Variants in TMEM108 observed in about 807,000 individuals in gnomAD.
TMEM108 encodes the protein cancer/testis antigen 124.
A neutral mutation model predicts 35.1 loss-of-function variants in TMEM108; 12 were observed. The observed-to-expected ratio is 0.34, with a 90% CI of 0.22 to 0.55. The LOEUF is 0.55. Ranked by LOEUF, TMEM108 falls within the 20% of genes least tolerant of loss-of-function variation. TMEM108 has a pLI of 0.89. For missense variants in TMEM108, 680 were observed against 753.3 expected (o/e 0.90, Z 1.14); for synonymous variants, 287 against 308.6 (o/e 0.93, Z 0.73).
chr3:133,250,645 C>T (rs1055800582), intron 3 of TMEM108, among the ~76,000 whole-genome samples: 5 of 152,150 alleles, frequency 3.3e-5, no homozygotes, highest in African/African-American at 7.2e-5. Flanking sequence ...CAGTTAGCAG[C>T]AATAGCCTCA....
rs578127155 is a variant in TMEM108 at position 133,152,754 on chromosome 3, T to TA, written c.-46-76508dup. Among the ~76,000 whole-genome samples the TA allele has an allele frequency of 9.2e-5, 14 of 152,268 alleles. No homozygotes were observed. In the South Asian group the frequency reaches 2.7e-3, roughly 29 times the overall value. On this transcript the variant is annotated intron_variant, in intron 2 of 5. Coordinates refer to ENST00000321871, the MANE Select transcript of TMEM108 (RefSeq NM_023943.4). ...CTGAAATGCCCTTATCTAAGCCTTTTAAAAGAGAACCAATTTAAATTTTTT... is the reference window on the plus strand; with the variant it reads ...CTGAAATGCCCTTATCTAAGCCTTTTAAAAAGAGAACCAATTTAAATTTTTT...
Position 133,181,008 on chromosome 3 carries a change from T to TAAAAAAAAAAAAAAAAAAAAAAAAAA in TMEM108, c.-46-48253_-46-48228dup, listed in dbSNP as rs369228472. Reference sequence around the variant, plus strand: ...TGTACTGGCTATTGGGCAGTTGTGTTAAAAAAAAAAAAAAAAAAAAAAAAA... The same window carrying TAAAAAAAAAAAAAAAAAAAAAAAAAA: ...TGTACTGGCTATTGGGCAGTTGTGTTAAAAAAAAAAAAAAAAAAAAAAAAAAAAAAAAAAAAAAAAAAAAAAAAAAA... On this transcript the variant is annotated intron_variant, in intron 2 of 5. Transcript: ENST00000321871. Among the ~76,000 whole-genome samples the TAAAAAAAAAAAAAAAAAAAAAAAAAA allele has an allele frequency of 1.2e-4, 9 of 75,854 alleles. 1 individual carries two copies. Among genetic ancestry groups the TAAAAAAAAAAAAAAAAAAAAAAAAAA allele is most frequent in the South Asian group, 5.8e-4 (1 of 1,734 alleles). 49.8% of individuals were successfully genotyped at this position (75,854 alleles called of 152,430 possible).
At chr3:133,066,852 G>C (rs1219566403) in intron 2 of TMEM108, among the ~76,000 whole-genome samples, 1 of 152,086 alleles carries the variant, frequency 6.6e-6, no homozygotes, top group Non-Finnish European at 1.5e-5. Context: ...AAAATTTGCA[G>C]TTATTCTTTA....
At chr3:133,121,783 G>A (rs896830796) in intron 2 of TMEM108, among the ~76,000 whole-genome samples, 2 of 152,252 alleles carry the variant, frequency 1.3e-5, no homozygotes, top group East Asian at 1.9e-4. Flanking sequence ...GAGTACCAAG[G>A]GAAATTTTTT....
At chr3:133,147,388 C>T (rs1232998031) in intron 2 of TMEM108, among the ~76,000 whole-genome samples, 1 of 152,012 alleles carries the variant, frequency 6.6e-6, no homozygotes, top group Non-Finnish European at 1.5e-5. Context: ...TGAAACTTCT[C>T]CAACATCTGT....
intron 2 of TMEM108, among the ~76,000 whole-genome samples, chr3:133,088,128 G>T (rs897730730): frequency 6.6e-6 from 1 of 152,160 alleles, no homozygotes; most frequent in Non-Finnish European, 1.5e-5. Context: ...AAAGATGTCT[G>T]TGGTCCTTGT....
At chr3:133,388,172 T>G in intron 4 of TMEM108, 9 of 985,464 alleles carry the variant, frequency 9.1e-6, no homozygotes, top group Non-Finnish European at 1.1e-5. Context: ...CCCAGATGGT[T>G]CCCTCTTTAT....
intron 2 of TMEM108, among the ~76,000 whole-genome samples, chr3:133,203,301 C>T (rs139074382): frequency 0.015 from 2,286 of 152,216 alleles, 78 homozygotes; most frequent in African/African-American, 0.051. Flanking sequence ...TCTTGCCTGA[C>T]TGCCCTGGCC....
chr3:133,128,627 C>A (rs1423839617), intron 2 of TMEM108, among the ~76,000 whole-genome samples: 1 of 152,192 alleles, frequency 6.6e-6, no homozygotes, highest in Non-Finnish European at 1.5e-5. Flanking sequence ...CTTGGCCTCA[C>A]TTCTCACCTG....
chr3:133,374,901 G>A (rs1431740743), intron 3 of TMEM108, among the ~76,000 whole-genome samples: 1 of 152,186 alleles, frequency 6.6e-6, no homozygotes, highest in Non-Finnish European at 1.5e-5. Context: ...TGGGGAGATG[G>A]GTAGAGCAGA....
intron 3 of TMEM108, among the ~76,000 whole-genome samples, chr3:133,359,174 TGA>T (rs1158687869): frequency 1.3e-5 from 2 of 152,194 alleles, no homozygotes; most frequent in East Asian, 3.8e-4. Context: ...AGTGCCTCCC[TGA>T]GAGTATTCTA....
intron 2 of TMEM108, among the ~76,000 whole-genome samples, chr3:133,115,914 G>A (rs760720064): frequency 1.6e-4 from 25 of 152,168 alleles, no homozygotes; most frequent in Non-Finnish European, 2.4e-4. Context: ...TCATGTGTGA[G>A]TTTTTCTTGT....
intron 2 of TMEM108, among the ~76,000 whole-genome samples, chr3:133,204,693 C>T (rs1053804015): frequency 8.5e-5 from 13 of 152,128 alleles, no homozygotes; most frequent in African/African-American, 2.7e-4. Context: ...CATTCTTTTA[C>T]ATTTGCTGAG....
intron 2 of TMEM108, among the ~76,000 whole-genome samples, chr3:133,057,441 A>AC (rs1943481445): frequency 1.3e-4 from 1 of 7,456 alleles, no homozygotes; most frequent in Non-Finnish European, 5.1e-4. Context: ...GTGTGTATAT[A>AC]TATATATATA....
intron 2 of TMEM108, among the ~76,000 whole-genome samples, chr3:133,125,369 G>A (rs959787396): frequency 3.3e-5 from 5 of 152,180 alleles, no homozygotes; most frequent in African/African-American, 1.2e-4. Flanking sequence ...TGTGCATCTG[G>A]TGGCAGCTTC....
intron 2 of TMEM108, among the ~76,000 whole-genome samples, chr3:133,111,991 T>C (rs1944230539): frequency 6.6e-6 from 1 of 152,180 alleles, no homozygotes; most frequent in African/African-American, 2.4e-5. Flanking sequence ...GAACAAACCC[T>C]GAGGGCTTTT....
chr3:133,238,651 A>G (rs1273856652), intron 3 of TMEM108, among the ~76,000 whole-genome samples: 1 of 152,180 alleles, frequency 6.6e-6, no homozygotes, highest in Non-Finnish European at 1.5e-5. Context: ...TTCAGAAACT[A>G]GAGAGAGATT....
intron 2 of TMEM108, among the ~76,000 whole-genome samples, chr3:133,057,312 T>G (rs1230666095): frequency 2.0e-5 from 3 of 151,356 alleles, no homozygotes; most frequent in Non-Finnish European, 4.4e-5. Flanking sequence ...CCTTATTGTC[T>G]CATGTACTAA....
intron 2 of TMEM108, among the ~76,000 whole-genome samples, chr3:133,107,117 A>G (rs1944161977): frequency 2.0e-5 from 3 of 152,206 alleles, no homozygotes; most frequent in African/African-American, 2.4e-5. Flanking sequence ...ACAGTAGAAT[A>G]TTTGGAAAAA....
Sources: allele counts gnomAD v4.1 joint callset (sites outside exome capture counted in the v4.1 genomes callset), GRCh38; gene constraint gnomAD v4.1.1; transcripts MANE v1.5; gene names NCBI Gene and HGNC (gene_info 2026-07-23, HGNC 2026-07-21).